Variants in RNF213 observed in about 807,000 individuals in gnomAD.
RNF213 encodes the protein E3 ubiquitin-protein ligase RNF213.
Under a neutral mutation model 514.4 loss-of-function variants are expected in RNF213, and 341 were observed. That is an observed-to-expected ratio of 0.66 (90% CI 0.61 to 0.73). The LOEUF is 0.73. RNF213 is among the 30% of genes least tolerant of loss of function. RNF213 has a pLI of 0.00. For synonymous variants in RNF213, 2,655 were observed against 2,658.2 expected, an observed-to-expected ratio of 1.00 and a Z score of 0.04; for missense variants, 5,767 against 6,615.6, an observed-to-expected ratio of 0.87 and a Z score of 4.45.
intron 32 of RNF213, chr17:80,352,501 T>G: frequency 2.0e-6 from 1 of 512,270 alleles, no homozygotes; most frequent in Non-Finnish European, 3.4e-6. Flanking sequence ...TTCCAAGGAA[T>G]GGTCACCAGC....
chr17:80,340,254 C>T lies in RNF213; in HGVS notation c.5887C>T (p.Leu1963=). ...QAPLEAIQAY[L]AGHYRVPKQT... ...ACCCCTCGAGGCCATCCAAGCCTAC[C>T]TGGCAGGTCACTACCGGGTCCCGAA... is the stretch of plus-strand genomic sequence containing the variant. Residue 1963 remains leucine, a synonymous_variant, in exon 26 of 68, where the codon CTG becomes TTG. Transcript: ENST00000582970. 1 of 1,614,170 alleles carries T rather than the reference C, an allele frequency of 6.2e-7. No individual in the cohort carries two copies. Among genetic ancestry groups the T allele is most frequent in the South Asian group, 1.1e-5 (1 of 91,088 alleles).
At chr17:80,296,272 G>A (rs1480022865) in intron 10 of RNF213, among the ~76,000 whole-genome samples, 1 of 152,120 alleles carries the variant, frequency 6.6e-6, no homozygotes, top group Non-Finnish European at 1.5e-5. Context: ...CACCCACCTC[G>A]GCCTCCCAAA....
At chr17:80,276,093 T>TTTTA (rs199905492) in intron 3 of RNF213, among the ~76,000 whole-genome samples, 10,249 of 150,548 alleles carry the variant, frequency 0.068, 570 homozygotes, top group East Asian at 0.3. Context: ...TTATTTTTTG[T>TTTTA]TTTATTTATT....
Position 80,372,705 on chromosome 17 carries a change from A to G in RNF213, c.12722A>G (p.Asp4241Gly), listed in dbSNP as rs777122371. Residue 4241 changes from aspartate to glycine, a missense_variant, in exon 48 of 68, where the codon GAT becomes GGT. This residue lies in a region of RNF213 where 1,245 missense variants were observed against 1,339.0 expected (regional missense o/e 0.93). Transcript: ENST00000582970. ...RIRLCLDRAA[D>G]FLSEPEGGPE... is the part of the protein sequence containing the mutation. ...CGCCTCTGCCTCGACAGAGCTGCAG[A>G]TTTCCTCTCGGAGCCTGAGGGAGGC... is the stretch of plus-strand genomic sequence containing the variant. 104 of 1,613,620 alleles carry G rather than the reference A, an allele frequency of 6.4e-5. No homozygotes were observed. The highest frequency in any genetic ancestry group is 8.4e-5 in the Non-Finnish European group (99 of 1,180,036).
At chr17:80,308,527 C>T (rs2045455197) in intron 13 of RNF213, among the ~76,000 whole-genome samples, 1 of 151,986 alleles carries the variant, frequency 6.6e-6, no homozygotes, top group Non-Finnish European at 1.5e-5. Context: ...TCCCGAGTCC[C>T]TACCGAGTCC....
At chr17:80,281,899 C>G (rs1161382832) in intron 3 of RNF213, among the ~76,000 whole-genome samples, 1 of 152,120 alleles carries the variant, frequency 6.6e-6, no homozygotes, top group Non-Finnish European at 1.5e-5. Flanking sequence ...CTCTTTTGCC[C>G]AGGCTGGAGT....
At chr17:80,344,643 C>T in intron 28 of RNF213, 35 bp from the exon 29 acceptor site, 1 of 1,612,984 alleles carries the variant, frequency 6.2e-7, no homozygotes. Context: ...AGAAAGTCTT[C>T]TTGTAACCAT....
chr17:80,388,913 T>C, intron 64 of RNF213: 2 of 626,464 alleles, frequency 3.2e-6, no homozygotes, highest in East Asian at 2.7e-5. Context: ...ATGATGTTGA[T>C]GCATGGCCAT....
rs368439662 is a variant in RNF213 at position 80,347,881 on chromosome 17, A to G, written c.9546A>G (p.Lys3182=). 9 of 1,614,144 alleles carry G rather than the reference A, an allele frequency of 5.6e-6. No homozygotes were observed. In the African/African-American group the frequency reaches 1.2e-4, roughly 22 times the overall value. The change falls in exon 29 of 68, where the codon AAA becomes AAG. Residue 3182 remains lysine, a synonymous_variant. Coordinates refer to ENST00000582970, the MANE Select transcript of RNF213 (RefSeq NM_001256071.3). This position sits in a 1 kb window ranked among gnomAD's most constrained non-coding sequence, Gnocchi z 7.2. ...HYLDINTVLE[K]WQKSIVEELC... The stretch of plus-strand genomic sequence containing the variant: ...TGGATATCAACACGGTGCTGGAGAA[A>G]TGGCAGAAGAGCATCGTGGAGGAGC...
intron 55 of RNF213, 187 bp downstream of exon 55, chr17:80,379,901 T>TG (rs2079917662): frequency 3.1e-6 from 2 of 639,902 alleles, no homozygotes; most frequent in Non-Finnish European, 5.7e-6. Flanking sequence ...GATCTGTTGT[T>TG]GGATCCCTGG....
intron 2 of RNF213, among the ~76,000 whole-genome samples, chr17:80,266,840 G>A (rs1055821140): frequency 2.0e-5 from 3 of 152,170 alleles, no homozygotes; most frequent in Admixed American, 2.0e-4. Context: ...AGTTAGACAT[G>A]ATTAAGCTTC....
At chr17:80,361,229 T>G (rs988063462) in intron 38 of RNF213, among the ~76,000 whole-genome samples, 6 of 152,228 alleles carry the variant, frequency 3.9e-5, no homozygotes, top group Non-Finnish European at 7.3e-5. Flanking sequence ...TTTATTTTAT[T>G]CCACTGGAAA....
intron 1 of RNF213, among the ~76,000 whole-genome samples, chr17:80,261,824 G>A (rs2043434293): frequency 6.6e-6 from 1 of 152,156 alleles, no homozygotes; most frequent in South Asian, 2.1e-4. Context: ...TTCGAGACCA[G>A]CCTGGCCAAC....
chr17:80,283,994 T>C (rs575698192), intron 3 of RNF213, among the ~76,000 whole-genome samples: 23 of 151,312 alleles, frequency 1.5e-4, no homozygotes, highest in Non-Finnish European at 2.4e-4. Context: ...GAGGCCGAGG[T>C]GGGTGGATCA....
chr17:80,388,771 C>A, intron 64 of RNF213, 82 bp downstream of exon 64: 1 of 1,110,168 alleles, frequency 9.0e-7, no homozygotes, highest in African/African-American at 1.5e-5. Context: ...CTACTCCAGC[C>A]TTGCCCCGGG....
intron 11 of RNF213, 130 bp from the exon 12 acceptor site, chr17:80,306,122 C>G: frequency 2.2e-6 from 2 of 890,010 alleles, no homozygotes; most frequent in South Asian, 1.4e-5. Flanking sequence ...GCCACCACGC[C>G]TGCCCTCAAG....
chr17:80,297,441 C>T (rs1201783692), intron 10 of RNF213, among the ~76,000 whole-genome samples: 4 of 138,866 alleles, frequency 2.9e-5, no homozygotes. Context: ...CACAGTGAGA[C>T]TTCATCTCAA....
Position 80,332,237 on chromosome 17 carries a change from A to T in RNF213, c.3749A>T (p.Asp1250Val). ...GAGCCGCTGAGTGAGCCTAAGGAGG[A>T]CCAGGAAGCCGCAGAGTTGCTGAGT... The part of the protein sequence containing the change: ...AAEPLSEPKE[D>V]QEAAELLSEP... The change falls in exon 21 of 68, where the codon GAC becomes GTC. Residue 1250 changes from aspartate (D) to valine (V), a missense_variant. By Grantham distance (152) the Asp-to-Val change is radical. Around this residue, in one of 13 missense-constraint regions of RNF213, gnomAD observed 516 missense variants for 566.5 expected, o/e 0.91. Coordinates refer to ENST00000582970, the MANE Select transcript of RNF213 (RefSeq NM_001256071.3). The T allele has an allele frequency of 6.5e-7, 1 of 1,537,208 alleles. No homozygotes were observed. The highest frequency in any genetic ancestry group is 8.7e-7 in the Non-Finnish European group (1 of 1,146,910).
Position 80,393,371 on chromosome 17 carries a change from T to C in RNF213, c.15497T>C (p.Met5166Thr). 1.2e-6 allele frequency: 2 copies of C among 1,614,152 alleles called. No homozygotes were observed. The highest frequency in any genetic ancestry group is 4.5e-5 in the East Asian group (2 of 44,888). The stretch of plus-strand genomic sequence containing the variant: ...CTGAGAGACACTCTCGTAAGTTACA[T>C]GCAAACTAAAGAAAGTGAAATTCTT... ...WSLRDTLVSY[M>T]QTKESEILPE... Residue 5166 changes from methionine to threonine, a missense_variant, in exon 68 of 68, where the codon ATG becomes ACG. Met to Thr is a moderately conservative substitution (Grantham distance 81). Around this residue, in one of 13 missense-constraint regions of RNF213, gnomAD observed 1,245 missense variants for 1,339.0 expected, o/e 0.93. Coordinates refer to ENST00000582970, the MANE Select transcript of RNF213 (RefSeq NM_001256071.3).
Sources: allele counts gnomAD v4.1 joint callset (sites outside exome capture counted in the v4.1 genomes callset), GRCh38; gene constraint gnomAD v4.1.1; regional missense constraint gnomAD v4.1.1; non-coding constraint Gnocchi (gnomAD v3.1); transcripts MANE v1.5; gene names NCBI Gene and HGNC (gene_info 2026-07-23, HGNC 2026-07-21).